ROS1: variants seen among roughly 807,000 people sequenced by gnomAD.
The protein encoded by ROS1 is ROS proto-oncogene 1, receptor tyrosine kinase.
In ROS1, 263 loss-of-function variants were observed where a neutral mutation model predicts 273.5. The observed-to-expected ratio is 0.96, with a 90% CI of 0.87 to 1.06. ROS1 has a LOEUF of 1.06. Among genes scored for constraint, ROS1 ranks in the 50% least tolerant of loss-of-function variants. The pLI, the probability that ROS1 is intolerant of heterozygous loss-of-function variation, is 0.00. For missense variants in ROS1, 2,833 were observed against 2,751.1 expected (o/e 1.03, Z -0.67); for synonymous variants, 1,008 against 954.1 (o/e 1.06, Z -1.04).
At chr6:117,291,047 T>C (rs1407225879) in intron 43 of ROS1, among the ~76,000 whole-genome samples, 1 of 152,208 alleles carries the variant, frequency 6.6e-6, no homozygotes, top group Non-Finnish European at 1.5e-5. Flanking sequence ...TTTGCAGATA[T>C]GCAAACTCCG....
At chr6:117,342,331 A>T (rs1777999721) in intron 29 of ROS1, 69 bp downstream of exon 29, 1 of 1,357,144 alleles carries the variant, frequency 7.4e-7, no homozygotes, top group Non-Finnish European at 1.0e-6. Context: ...TAAAAAATAA[A>T]CATCAACATA....
In ROS1 at chr6:117,320,006, A is replaced by C. The variant is rs145318764; in HGVS notation, c.5784T>G (p.Ile1928Met). ...AIHTLPTQEE[I>M]ENLPAFPREK... is the part of the protein sequence containing the mutation. ...CCCGAGGGAAGGCAGGAAGATTTTC[A>C]ATCTCCTCTTGGGTTGGAAGAGTAC... The change falls in exon 37 of 44, where the codon ATT becomes ATG. Residue 1928 changes from isoleucine to methionine, a missense_variant. Coordinates refer to ENST00000368507, the MANE Select transcript of ROS1 (RefSeq NM_001378902.1). 3 of 1,613,250 alleles carry C rather than the reference A, an allele frequency of 1.9e-6. No individual in the cohort carries two copies. In the East Asian group the frequency reaches 6.7e-5, roughly 36 times the overall value.
chr6:117,414,169 C>T (rs987230780), intron 4 of ROS1, among the ~76,000 whole-genome samples: 1 of 152,076 alleles, frequency 6.6e-6, no homozygotes, highest in African/African-American at 2.4e-5. Context: ...TCTGAATGTG[C>T]CTCTTCCTTC....
chr6:117,319,947 C>A lies in ROS1; in HGVS notation c.5843G>T (p.Gly1948Val). The A allele has an allele frequency of 6.2e-7, 1 of 1,613,456 alleles. No individual in the cohort carries two copies. Among genetic ancestry groups the A allele is most frequent in the Non-Finnish European group, 8.5e-7 (1 of 1,179,632 alleles). The change falls in exon 37 of 44, where the codon GGA becomes GTA. Residue 1948 changes from glycine (G) to valine (V), a missense_variant. Coordinates refer to ENST00000368507, the MANE Select transcript of ROS1 (RefSeq NM_001378902.1). ...TCCTTCATACACTTCTCCAAAGGCT[C>A]CACTTCCCAGCAAGAGACGCAGAGT... ...KLTLRLLLGS[G>V]AFGEVYEGTA...
At chr6:117,349,258 G>A (rs1196439724) in intron 27 of ROS1, among the ~76,000 whole-genome samples, 1 of 151,882 alleles carries the variant, frequency 6.6e-6, no homozygotes, top group Non-Finnish European at 1.5e-5. Context: ...ATGCTCTGTT[G>A]TTAGAGATAT....
At chr6:117,289,594 T>C (rs2128522154) in intron 43 of ROS1, among the ~76,000 whole-genome samples, 1 of 152,344 alleles carries the variant, frequency 6.6e-6, no homozygotes, top group South Asian at 2.1e-4. Context: ...TCATTAGGTA[T>C]GCATCTCCTT....
chr6:117,369,393 G>A (rs549884685), intron 18 of ROS1, among the ~76,000 whole-genome samples: 4 of 152,196 alleles, frequency 2.6e-5, no homozygotes, highest in African/African-American at 9.6e-5. Flanking sequence ...CTAACATGGT[G>A]AAACACCGTC....
At chr6:117,373,513 C>T (rs952192768) in intron 18 of ROS1, among the ~76,000 whole-genome samples, 1 of 152,258 alleles carries the variant, frequency 6.6e-6, no homozygotes, top group Non-Finnish European at 1.5e-5. Context: ...CCCCTCTCCA[C>T]AGCTGCTGGC....
At chr6:117,344,992 T>A (rs1778258325) in intron 27 of ROS1, among the ~76,000 whole-genome samples, 1 of 152,228 alleles carries the variant, frequency 6.6e-6, no homozygotes, top group Non-Finnish European at 1.5e-5. Flanking sequence ...TCAGTCTTTA[T>A]GTAAAACATC....
At chr6:117,300,417 A>C (rs957155539) in intron 43 of ROS1, among the ~76,000 whole-genome samples, 3 of 152,154 alleles carry the variant, frequency 2.0e-5, no homozygotes, top group Admixed American at 2.0e-4. Flanking sequence ...GTGCTTAATG[A>C]AAACAGAAAG....
intron 18 of ROS1, among the ~76,000 whole-genome samples, chr6:117,368,216 A>G (rs1456762958): frequency 6.6e-6 from 1 of 152,146 alleles, no homozygotes; most frequent in Non-Finnish European, 1.5e-5. Flanking sequence ...AAGTTGTAAC[A>G]GTTGTTTAGT....
chr6:117,317,913 G>A (rs972144030), intron 38 of ROS1, among the ~76,000 whole-genome samples: 1 of 152,126 alleles, frequency 6.6e-6, no homozygotes, highest in African/African-American at 2.4e-5. Flanking sequence ...ATACAAGCAT[G>A]TCAAAAGCCA....
chr6:117,299,116 ATG>A (rs1774479624), intron 43 of ROS1, among the ~76,000 whole-genome samples: 1 of 152,188 alleles, frequency 6.6e-6, no homozygotes, highest in Non-Finnish European at 1.5e-5. Context: ...AGTAGAAACA[ATG>A]TGAGACTATT....
intron 42 of ROS1, among the ~76,000 whole-genome samples, chr6:117,303,590 A>T (rs772204293): frequency 6.6e-6 from 1 of 152,082 alleles, no homozygotes; most frequent in Non-Finnish European, 1.5e-5. Context: ...ATGAGATGAG[A>T]TCAGAGGAGG....
intron 27 of ROS1, among the ~76,000 whole-genome samples, chr6:117,351,478 A>C (rs1369352157): frequency 1.3e-5 from 2 of 152,152 alleles, no homozygotes; most frequent in Non-Finnish European, 2.9e-5. Flanking sequence ...AAGCTCCTGG[A>C]GGTAAAACTT....
chr6:117,425,399 A>G (rs1459139776), intron 1 of ROS1, 135 bp downstream of exon 1: 1 of 775,006 alleles, frequency 1.3e-6, no homozygotes, highest in South Asian at 2.4e-5. Flanking sequence ...AGAAAAAATA[A>G]TCTATCTTGC....
Position 117,425,837 on chromosome 6 carries a change from T to C in ROS1, c.-181A>G. 1.8e-6 allele frequency: 1 copy of C among 564,948 alleles called. No homozygotes were observed. The highest frequency in any genetic ancestry group is 2.1e-5 in the South Asian group (1 of 48,068). The allele number at this position is 564,948 out of a possible 1,614,324, so 35.0% of individuals were successfully genotyped here. ...TACTTAGCCTTTTTCATTTAGACCTTTGAATGCTTGAAAGCTTGTAACAGT... is the reference window on the plus strand; with the variant it reads ...TACTTAGCCTTTTTCATTTAGACCTCTGAATGCTTGAAAGCTTGTAACAGT... On this transcript the variant is annotated 5_prime_UTR_variant, in exon 1 of 44. Coordinates refer to ENST00000368507, the MANE Select transcript of ROS1 (RefSeq NM_001378902.1).
At chr6:117,374,916 G>C (rs531444756) in intron 18 of ROS1, among the ~76,000 whole-genome samples, 1 of 152,294 alleles carries the variant, frequency 6.6e-6, no homozygotes, top group East Asian at 1.9e-4. Context: ...ACTAAAAGTA[G>C]ATCTACCATT....
rs747426279 is a variant in ROS1 at position 117,365,059 on chromosome 6, C to G, written c.3103+1G>C. 6 of 1,613,392 alleles carry G rather than the reference C, an allele frequency of 3.7e-6. No individual in the cohort carries two copies. The South Asian group carries it at 6.6e-5, about 18-fold the overall frequency. On this transcript the variant is annotated splice_donor_variant, in intron 21 of 43. Coordinates refer to ENST00000368507, the MANE Select transcript of ROS1 (RefSeq NM_001378902.1). LOFTEE classifies it high-confidence loss of function. Reference sequence around the variant, plus strand: ...AAAAAGACAGATTTTAACCCCTGTACCTGTTTCAGGTGCTCGAAGTGACAG... The same window carrying G: ...AAAAAGACAGATTTTAACCCCTGTAGCTGTTTCAGGTGCTCGAAGTGACAG...
Sources: gnomAD v4.1 joint callset for allele counts (sites outside exome capture counted in the v4.1 genomes callset) on GRCh38, gnomAD v4.1.1 for gene constraint, MANE v1.5 for transcripts, NCBI Gene and HGNC (gene_info 2026-07-23, HGNC 2026-07-21) for gene names.